Variants in SLC12A9 observed in about 807,000 individuals in gnomAD.
SLC12A9 encodes the protein solute carrier family 12 member 9.
Under a neutral mutation model 66.0 loss-of-function variants are expected in SLC12A9, and 55 were observed. That is an observed-to-expected ratio of 0.83 (90% confidence interval 0.67 to 1.04). SLC12A9 has a LOEUF of 1.04. Among genes scored for constraint, SLC12A9 ranks in the 50% least tolerant of loss-of-function variants. SLC12A9 has a pLI of 0.00. For missense variants in SLC12A9, 1,061 were observed against 1,241.9 expected (o/e 0.85, Z 2.19); for synonymous variants, 577 against 569.0 (o/e 1.01, Z -0.20).
Position 100,866,294 on chromosome 7 carries a change from C to G in SLC12A9, c.2434C>G (p.Pro812Ala). 1 of 1,523,722 alleles carries G rather than the reference C, an allele frequency of 6.6e-7. No individual in the cohort carries two copies. Among genetic ancestry groups the G allele is most frequent in the Non-Finnish European group, 8.8e-7 (1 of 1,133,780 alleles). The allele number at this position is 1,523,722 out of a possible 1,614,324, so 94.4% of individuals were successfully genotyped here. ...VWGEGAGAGE[P>A]EAEEEGDFVN... ...GGGCGAGGGGGCCGGGGCTGGGGAA[C>G]CCGAGGCGGAGGAGGAAGGGGACTT... The change falls in exon 14 of 14, where the codon CCC becomes GCC. Residue 812 changes from proline (P) to alanine (A), a missense_variant. Transcript: ENST00000354161. This position sits in a 1 kb window ranked among gnomAD's most constrained non-coding sequence, Gnocchi z 7.3.
At chr7:100,847,686 C>T (rs1184876737) in intron 1 of SLC12A9, among the ~76,000 whole-genome samples, 2 of 151,912 alleles carry the variant, frequency 1.3e-5, no homozygotes, top group Non-Finnish European at 2.9e-5. Flanking sequence ...CCGGTGTAAC[C>T]CCAGGTTTCC....
chr7:100,849,575 G>C (rs909592837), upstream of SLC12A9, among the ~76,000 whole-genome samples: 2 of 151,996 alleles, frequency 1.3e-5, no homozygotes. Flanking sequence ...AACTAGCCAG[G>C]CATGGTGGCA....
chr7:100,854,901 C>T (rs1271159121), intron 3 of SLC12A9, 147 bp downstream of exon 3: 23 of 1,105,722 alleles, frequency 2.1e-5, no homozygotes, highest in Admixed American at 5.3e-5. Context: ...CGGTGGCTCA[C>T]ATCTGTAATC....
At chr7:100,856,177 T>G (rs1562989824) in intron 4 of SLC12A9, 1 of 189,534 alleles carries the variant, frequency 5.3e-6, no homozygotes, top group African/African-American at 2.4e-5. Context: ...CTTGTCTTGC[T>G]TTGGGTCACA....
At chr7:100,836,243 C>T (rs554852513) in intron 1 of SLC12A9, among the ~76,000 whole-genome samples, 1 of 152,100 alleles carries the variant, frequency 6.6e-6, no homozygotes, top group Non-Finnish European at 1.5e-5. Flanking sequence ...GCCAGGATAC[C>T]GGGGTCTGGA....
At chr7:100,848,001 G>A (rs1413815787), upstream of SLC12A9, among the ~76,000 whole-genome samples, 4 of 145,434 alleles carry the variant, frequency 2.8e-5, no homozygotes, top group South Asian at 2.2e-4. Flanking sequence ...CAGGAGAATC[G>A]CTTGAACCCG....
At chr7:100,829,203 G>T (rs1813493545) in intron 1 of SLC12A9, among the ~76,000 whole-genome samples, 1 of 152,114 alleles carries the variant, frequency 6.6e-6, no homozygotes, top group Admixed American at 6.5e-5. Context: ...GGCCAGGCTG[G>T]TCTCGAACTC....
At chr7:100,826,982 C>G in exon 1 of SLC12A9, 1 of 1,560,698 alleles carries the variant, frequency 6.4e-7, no homozygotes, top group Non-Finnish European at 8.7e-7. Flanking sequence ...AACTCACCTT[C>G]CAAAGCTGCG....
intron 1 of SLC12A9, among the ~76,000 whole-genome samples, chr7:100,841,145 A>C (rs1813781452): frequency 6.6e-6 from 1 of 152,142 alleles, no homozygotes. Flanking sequence ...GTTGTCCTGA[A>C]ATAAATTAAC....
At position 100,861,741 on chromosome 7, in the gene SLC12A9, G is replaced by GT; in HGVS notation, c.1542dup (p.Lys515Ter). ...CTGCCTCACCCCTATACCCAGGTGC[G>GT]TAAGTATCTGCTTCGGCTGGACGTC... On this transcript the variant is annotated frameshift_variant, in exon 12 of 14. Coordinates refer to ENST00000354161, the MANE Select transcript of SLC12A9 (RefSeq NM_020246.4). LOFTEE classifies it high-confidence loss of function. The surrounding 1 kb of genome is among the most constrained non-coding windows in gnomAD (Gnocchi z 5.3). 1 of 1,614,184 alleles carries GT rather than the reference G, an allele frequency of 6.2e-7. No homozygotes were observed. The highest frequency in any genetic ancestry group is 8.5e-7 in the Non-Finnish European group (1 of 1,180,026).
intron 1 of SLC12A9, among the ~76,000 whole-genome samples, chr7:100,831,212 G>A (rs776383850): frequency 6.6e-6 from 1 of 152,218 alleles, no homozygotes; most frequent in Middle Eastern, 3.4e-3. Flanking sequence ...TGGAGACGGC[G>A]TTTCACTCTT....
At chr7:100,833,932 CAAA>C (rs60667059) in intron 1 of SLC12A9, among the ~76,000 whole-genome samples, 4 of 63,072 alleles carry the variant, frequency 6.3e-5, no homozygotes, top group African/African-American at 3.6e-4. Context: ...GACTCTGTCT[CAAA>C]AAAAAAAAAA....
chr7:100,862,268 CT>C (rs1562995340), intron 12 of SLC12A9, among the ~76,000 whole-genome samples: 1 of 151,352 alleles, frequency 6.6e-6, no homozygotes, highest in Non-Finnish European at 1.5e-5. Flanking sequence ...CCCTCCCCCG[CT>C]TTTTTTTGAG....
At chr7:100,837,020 C>T (rs896274942) in intron 1 of SLC12A9, among the ~76,000 whole-genome samples, 4 of 152,146 alleles carry the variant, frequency 2.6e-5, no homozygotes, top group African/African-American at 9.7e-5. Context: ...TGGGGGAACA[C>T]TCTGAGGTCA....
At chr7:100,831,105 A>G (rs1813535138) in intron 1 of SLC12A9, among the ~76,000 whole-genome samples, 1 of 152,256 alleles carries the variant, frequency 6.6e-6, no homozygotes, top group Non-Finnish European at 1.5e-5. Flanking sequence ...ATATACTGCT[A>G]TCACACGGTG....
intron 13 of SLC12A9, 144 bp from the exon 14 acceptor site, chr7:100,865,575 G>T (rs1815026057): frequency 1.9e-6 from 3 of 1,578,350 alleles, no homozygotes; most frequent in Non-Finnish European, 2.6e-6. Flanking sequence ...CAAATATGCA[G>T]AATGTTGCCG....
At chr7:100,828,054 G>T (rs1239810440) in intron 1 of SLC12A9, among the ~76,000 whole-genome samples, 4 of 152,202 alleles carry the variant, frequency 2.6e-5, no homozygotes, top group Non-Finnish European at 4.4e-5. Flanking sequence ...GAGAATTGAC[G>T]GCCGCCCAGG....
intron 1 of SLC12A9, among the ~76,000 whole-genome samples, chr7:100,828,611 G>A (rs1310134502): frequency 2.7e-5 from 4 of 148,294 alleles, no homozygotes; most frequent in South Asian, 2.1e-4. Flanking sequence ...GGTCCGGCTA[G>A]ATCTCCAAAT....
intron 1 of SLC12A9, among the ~76,000 whole-genome samples, chr7:100,829,366 G>A (rs1241418645): frequency 6.6e-6 from 1 of 152,194 alleles, no homozygotes; most frequent in East Asian, 1.9e-4. Flanking sequence ...AGGATGCTTG[G>A]GGGGCTGCCA....
Sources: allele counts gnomAD v4.1 joint callset (sites outside exome capture counted in the v4.1 genomes callset), GRCh38; gene constraint gnomAD v4.1.1; non-coding constraint Gnocchi (gnomAD v3.1); transcripts MANE v1.5; gene names NCBI Gene and HGNC (gene_info 2026-07-23, HGNC 2026-07-21).